The following C4orf51 variants were observed in gnomAD, a reference collection of about 807,000 sequenced individuals.
C4orf51 encodes chromosome 4 open reading frame 51.
C4orf51 carries 25 observed loss-of-function variants against 25.2 expected under a neutral mutation model. That is an observed-to-expected ratio of 0.99 (90% CI 0.72 to 1.39). The LOEUF (loss-of-function observed/expected upper bound fraction) is 1.39. Among genes scored for constraint, C4orf51 ranks in the 40% most tolerant of loss-of-function variants. The pLI is 0.00. For missense variants in C4orf51, 252 were observed against 239.6 expected (o/e 1.05, Z -0.34); for synonymous variants, 100 against 84.5 (o/e 1.18, Z -1.01).
chr4:145,728,037 A>ATT (rs201815820), intron 3 of C4orf51, among the ~76,000 whole-genome samples: 2 of 123,322 alleles, frequency 1.6e-5, no homozygotes, highest in East Asian at 2.1e-4. Flanking sequence ...TATTATATAT[A>ATT]ATATATATAT....
chr4:145,778,688 G>A, the C4orf51 span, among the ~76,000 whole-genome samples: 20 of 152,110 alleles, frequency 1.3e-4, no homozygotes, highest in African/African-American at 4.1e-4. Flanking sequence ...TGTGATGTAC[G>A]AAATCTTTAT....
chr4:145,729,201 T>C lies in C4orf51; in HGVS notation c.399T>C (p.Phe133=). 3 of 1,609,300 alleles carry C rather than the reference T, an allele frequency of 1.9e-6. No individual in the cohort carries two copies. Among genetic ancestry groups the C allele is most frequent in the Non-Finnish European group, 2.5e-6 (3 of 1,176,654 alleles). ...AAATTTGGGATTTTGGTGATTGTTT[T>C]CCGACACCTCCAAATTATGGAAAAT... The part of the protein sequence containing the change: ...AHQIWDFGDC[F]PTPPNYGKYC... Residue 133 remains phenylalanine, a synonymous_variant, in exon 4 of 6, where the codon TTT becomes TTC. Transcript: ENST00000438731.
downstream of C4orf51, among the ~76,000 whole-genome samples, chr4:145,772,224 C>T (rs1736401964): frequency 6.6e-6 from 1 of 152,174 alleles, no homozygotes; most frequent in South Asian, 2.1e-4. Flanking sequence ...ACATTGATTC[C>T]CCACTTGTAC....
the C4orf51 span, among the ~76,000 whole-genome samples, chr4:145,778,643 T>C: frequency 0.96 from 146,017 of 152,252 alleles, 70,082 homozygotes; most frequent in African/African-American, 0.99. Flanking sequence ...TAATCTTGTC[T>C]TATTAATACT....
In C4orf51 at chr4:145,703,779, A is replaced by G. The variant is rs146574885; in HGVS notation, c.307+7147A>G. Among the ~76,000 whole-genome samples the G allele has an allele frequency of 2.6e-3, 389 of 152,254 alleles. 1 individual carries two copies. The highest frequency in any genetic ancestry group is 8.4e-3 in the African/African-American group (351 of 41,544). On this transcript the variant is annotated intron_variant, in intron 2 of 5. Coordinates refer to ENST00000438731, the MANE Select transcript of C4orf51 (RefSeq NM_001080531.3). Reference sequence around the variant, plus strand: ...ATCTATTTTGAGTTGATTTTTGTGTATAGTGTAAGATAGGAGTACAATTTC... The same window carrying G: ...ATCTATTTTGAGTTGATTTTTGTGTGTAGTGTAAGATAGGAGTACAATTTC...
At chr4:145,719,401 C>T (rs571622578) in intron 2 of C4orf51, among the ~76,000 whole-genome samples, 14 of 152,078 alleles carry the variant, frequency 9.2e-5, no homozygotes, top group East Asian at 3.9e-4. Context: ...GTCGGGAGAT[C>T]GAGACCATCC....
intron 1 of C4orf51, among the ~76,000 whole-genome samples, chr4:145,684,732 A>T (rs1056506986): frequency 3.3e-5 from 5 of 152,156 alleles, no homozygotes; most frequent in African/African-American, 9.7e-5. Flanking sequence ...CTGTATGTTC[A>T]TCTTAATTTT....
At chr4:145,771,450 T>C (rs1392051765), downstream of C4orf51, among the ~76,000 whole-genome samples, 1 of 152,246 alleles carries the variant, frequency 6.6e-6, no homozygotes, top group Non-Finnish European at 1.5e-5. Flanking sequence ...GTATTGATAG[T>C]TGTATTTTCC....
intron 1 of C4orf51, among the ~76,000 whole-genome samples, chr4:145,680,746 C>T (rs1389905416): frequency 6.6e-6 from 1 of 152,078 alleles, no homozygotes; most frequent in Non-Finnish European, 1.5e-5. Flanking sequence ...CTGAGAATTT[C>T]ATTTTGTTTC....
intron 1 of C4orf51, among the ~76,000 whole-genome samples, chr4:145,751,286 T>G (rs4572896): frequency 0.19 from 29,166 of 152,070 alleles, 3,769 homozygotes; most frequent in East Asian, 0.67. Context: ...TATCCTTCTT[T>G]GAAAGGCTTT....
At chr4:145,721,347 A>G (rs1731729528) in intron 2 of C4orf51, among the ~76,000 whole-genome samples, 1 of 149,466 alleles carries the variant, frequency 6.7e-6, no homozygotes, top group Non-Finnish European at 1.5e-5. Context: ...TCTGTCTCAA[A>G]AAAAAAAAAA....
At chr4:145,685,562 G>C (rs1308523316) in intron 1 of C4orf51, among the ~76,000 whole-genome samples, 3 of 152,166 alleles carry the variant, frequency 2.0e-5, no homozygotes, top group Non-Finnish European at 4.4e-5. Context: ...ACTGGGGGCT[G>C]CATGCACTGG....
intron 2 of C4orf51, among the ~76,000 whole-genome samples, chr4:145,712,014 A>G (rs1731161218): frequency 6.6e-6 from 1 of 152,204 alleles, no homozygotes. Flanking sequence ...ATCTGCAATT[A>G]GTGATGTTTG....
intron 1 of C4orf51, among the ~76,000 whole-genome samples, chr4:145,692,254 A>G (rs1251626221): frequency 6.6e-6 from 1 of 152,264 alleles, no homozygotes; most frequent in African/African-American, 2.4e-5. Flanking sequence ...TGAATAAGAA[A>G]AAACTATGGT....
chr4:145,753,445 A>G (rs1176535710), intron 1 of C4orf51, among the ~76,000 whole-genome samples: 1 of 151,954 alleles, frequency 6.6e-6, no homozygotes, highest in African/African-American at 2.4e-5. Context: ...CTTTATCCCA[A>G]TCTTCCATTA....
At chr4:145,791,258 C>T in the C4orf51 span, among the ~76,000 whole-genome samples, 1 of 152,216 alleles carries the variant, frequency 6.6e-6, no homozygotes, top group Non-Finnish European at 1.5e-5. Flanking sequence ...TCCACCCTCA[C>T]ATGGCAGAAG....
rs1734693619 is a variant in C4orf51 at position 145,762,517 on chromosome 4, G to A, written n.167-8471G>A. ...TACTTAACACACGGTAAGCACTCAG[G>A]ACATACTGGTTCATTATTTGAGTGG... is the stretch of plus-strand genomic sequence containing the variant. On this transcript the variant is annotated intron_variant and non_coding_transcript_variant, in intron 1 of 1. Transcript: ENST00000510096. The surrounding 1 kb of genome is among the most constrained non-coding windows in gnomAD (Gnocchi z 4.9). Among the ~76,000 whole-genome samples the A allele has an allele frequency of 6.6e-6, 1 of 152,168 alleles. No individual in the cohort carries two copies. The highest frequency in any genetic ancestry group is 2.4e-5 in the African/African-American group (1 of 41,440).
chr4:145,736,773 C>T (rs1177476911), downstream of C4orf51, among the ~76,000 whole-genome samples: 1 of 152,110 alleles, frequency 6.6e-6, no homozygotes, highest in Non-Finnish European at 1.5e-5. Flanking sequence ...TTTTCTGGCA[C>T]ACATCAGGGA....
rs1212261669 is a variant in C4orf51, at chr4:145,765,413, T to C, written n.167-5575T>C. On this transcript the variant is annotated intron_variant and non_coding_transcript_variant, in intron 1 of 1. Coordinates refer to the C4orf51 transcript ENST00000510096. The surrounding 1 kb of genome is among the most constrained non-coding windows in gnomAD (Gnocchi z 4.7). ...ATTAAGCCAAAAGAAATACAACCTT[T>C]AGGTGAGGCCCAGCATACTGCATCC... The C allele has an allele frequency of 3.5e-6, 4 of 1,143,964 alleles. No homozygotes were observed. Among genetic ancestry groups the C allele is most frequent in the African/African-American group, 1.6e-5 (1 of 63,964 alleles). The allele number at this position is 1,143,964 out of a possible 1,614,324, so 70.9% of individuals were successfully genotyped here. A position where few individuals can be genotyped will look rare whatever the true frequency, so the allele number is the denominator to read the frequency against.
Sources: allele counts gnomAD v4.1 joint callset (sites outside exome capture counted in the v4.1 genomes callset), GRCh38; gene constraint gnomAD v4.1.1; non-coding constraint Gnocchi (gnomAD v3.1); transcripts MANE v1.5; gene names NCBI Gene and HGNC (gene_info 2026-07-23, HGNC 2026-07-21).